NFE2L3: variants seen among roughly 807,000 people sequenced by gnomAD.
The protein encoded by NFE2L3 is NFE2 like bZIP transcription factor 3.
Under a neutral mutation model 23.5 loss-of-function variants are expected in NFE2L3, and 18 were observed. That is an observed-to-expected ratio of 0.77 (90% confidence interval 0.53 to 1.13). The LOEUF is 1.13. Among genes scored for constraint, NFE2L3 ranks in the 50% most tolerant of loss-of-function variants. The probability of loss-of-function intolerance (pLI) is 0.00; values close to 1 mark genes in which losing one functional copy is unlikely to be tolerated. For missense variants in NFE2L3, 1,152 were observed against 877.2 expected, an observed-to-expected ratio of 1.31 and a Z score of -3.96; for synonymous variants, 424 against 354.5, an observed-to-expected ratio of 1.20 and a Z score of -2.20.
At chr7:26,159,754 A>C (rs1784140050) in intron 1 of NFE2L3, among the ~76,000 whole-genome samples, 1 of 152,128 alleles carries the variant, frequency 6.6e-6, no homozygotes, top group Non-Finnish European at 1.5e-5. Context: ...ATAATTAATC[A>C]AGTGGTGAAA....
chr7:26,185,733 C>T lies in NFE2L3; in HGVS notation c.2035C>T (p.Leu679=). 1 of 1,602,108 alleles carries T rather than the reference C, an allele frequency of 6.2e-7. No homozygotes were observed. ...AAGTATCTTGATAGTACCCAAAGAACTGGTGGCCTCAGGCCACAAAAAGGA... is the reference window on the plus strand; with the variant it reads ...AAGTATCTTGATAGTACCCAAAGAATTGGTGGCCTCAGGCCACAAAAAGGA... ...DGSILIVPKE[L]VASGHKKETQ... is the part of the protein sequence containing the mutation. Residue 679 remains leucine, a synonymous_variant, in exon 4 of 4, where the codon CTG becomes TTG. Coordinates refer to ENST00000056233, the MANE Select transcript of NFE2L3 (RefSeq NM_004289.7).
chr7:26,157,246 C>T (rs1424483606), intron 1 of NFE2L3, among the ~76,000 whole-genome samples: 1 of 152,130 alleles, frequency 6.6e-6, no homozygotes, highest in African/African-American at 2.4e-5. Flanking sequence ...AGTACCATCA[C>T]AGCTCACTGC....
Position 26,183,735 on chromosome 7 carries a change from T to G in NFE2L3, c.785T>G (p.Leu262Arg). ...AATGGGACAGATACTTCTTTCTCTC[T>G]GGAAGACTTATTCCAGTTGCTTTCA... ...HLNGTDTSFS[L>R]EDLFQLLSSQ... Residue 262 changes from leucine to arginine, a missense_variant, in exon 3 of 4, where the codon CTG (leucine) becomes CGG (arginine). Coordinates refer to ENST00000056233, the MANE Select transcript of NFE2L3 (RefSeq NM_004289.7). The G allele has an allele frequency of 6.2e-7, 1 of 1,612,826 alleles. No individual in the cohort carries two copies. Among genetic ancestry groups the G allele is most frequent in the Non-Finnish European group, 8.5e-7 (1 of 1,178,730 alleles).
intron 1 of NFE2L3, among the ~76,000 whole-genome samples, chr7:26,165,349 T>G (rs1784231685): frequency 1.3e-5 from 2 of 151,934 alleles, no homozygotes; most frequent in South Asian, 4.2e-4. Context: ...TAGTTCTCCT[T>G]GAAGAGGTCC....
chr7:26,157,156 G>A (rs187767858), intron 1 of NFE2L3, among the ~76,000 whole-genome samples: 1 of 152,076 alleles, frequency 6.6e-6, no homozygotes, highest in African/African-American at 2.4e-5. Context: ...GTTTCTTCAG[G>A]GCACAGAGAG....
chr7:26,178,767 G>C (rs546297200), intron 2 of NFE2L3, among the ~76,000 whole-genome samples: 1 of 152,236 alleles, frequency 6.6e-6, no homozygotes, highest in East Asian at 1.9e-4. Context: ...TTTCTCTTCA[G>C]CCCTGCTGAG....
intron 1 of NFE2L3, among the ~76,000 whole-genome samples, chr7:26,161,903 G>T (rs1435012328): frequency 6.6e-6 from 1 of 152,092 alleles, no homozygotes; most frequent in Non-Finnish European, 1.5e-5. Context: ...AGCACTTTGG[G>T]AGGCCAAGAC....
Position 26,181,595 on chromosome 7 carries a change from C to A in NFE2L3, c.751-2106C>A, listed in dbSNP as rs562821054. ...CTGGAAAATGATATAAACACTGGTT[C>A]TTGAAAAGAAAAATGCAAAACTGCT... On this transcript the variant is annotated intron_variant, in intron 2 of 3. Transcript: ENST00000056233. Among the ~76,000 whole-genome samples the A allele has an allele frequency of 9.2e-5, 14 of 152,152 alleles. No individual in the cohort carries two copies. The South Asian group carries it at 2.9e-3, about 32-fold the overall frequency.
At chr7:26,179,714 A>C (rs1562676904) in intron 2 of NFE2L3, among the ~76,000 whole-genome samples, 1 of 152,108 alleles carries the variant, frequency 6.6e-6, no homozygotes, top group Non-Finnish European at 1.5e-5. Context: ...TCAAAAAAGA[A>C]AAATCCAAAA....
At chr7:26,176,140 T>G (rs1325854620) in intron 1 of NFE2L3, among the ~76,000 whole-genome samples, 4 of 152,104 alleles carry the variant, frequency 2.6e-5, no homozygotes, top group Non-Finnish European at 5.9e-5. Flanking sequence ...AACCCTGAGT[T>G]GACACAGCAC....
At chr7:26,171,887 G>C (rs2128098865) in intron 1 of NFE2L3, among the ~76,000 whole-genome samples, 1 of 152,282 alleles carries the variant, frequency 6.6e-6, no homozygotes, top group Admixed American at 6.5e-5. Context: ...ATGTGAAGGG[G>C]GCAGGGTCTG....
intron 1 of NFE2L3, among the ~76,000 whole-genome samples, chr7:26,161,634 A>G (rs1163930408): frequency 1.3e-5 from 2 of 151,988 alleles, no homozygotes; most frequent in African/African-American, 2.4e-5. Flanking sequence ...AAGCCCTTCT[A>G]TGAATTTAAG....
At chr7:26,183,882 A>G (rs929011504) in intron 3 of NFE2L3, 98 bp downstream of exon 3, 12 of 779,150 alleles carry the variant, frequency 1.5e-5, no homozygotes, top group Non-Finnish European at 2.2e-5. Context: ...ACAGCAGTTT[A>G]AAGTAATGCT....
intron 1 of NFE2L3, chr7:26,173,701 G>A (rs1198040408): frequency 2.0e-5 from 3 of 152,172 alleles, no homozygotes; most frequent in Non-Finnish European, 4.4e-5. Flanking sequence ...TCAGAAGTAA[G>A]ATCTCTATCA....
In NFE2L3 at chr7:26,185,037, A is replaced by G. The variant is rs938772012; in HGVS notation, c.1339A>G (p.Ile447Val). 2.5e-6 allele frequency: 4 copies of G among 1,613,796 alleles called. No individual in the cohort carries two copies. Among genetic ancestry groups the G allele is most frequent in the Non-Finnish European group, 2.5e-6 (3 of 1,179,828 alleles). The change falls in exon 4 of 4, where the codon ATA becomes GTA. Residue 447 changes from isoleucine (I) to valine (V), a missense_variant. Transcript: ENST00000056233. ...TCACTCTGTGTGTGATGAAGGTGCT[A>G]TAGGTTATTGCACTGACCATGAATC... ...SSHSVCDEGA[I>V]GYCTDHESSS... is the part of the protein sequence containing the mutation.
Position 26,185,028 on chromosome 7 carries a change from G to A in NFE2L3, c.1330G>A (p.Glu444Lys), listed in dbSNP as rs754295738. 2 of 1,613,776 alleles carry A rather than the reference G, an allele frequency of 1.2e-6. No individual in the cohort carries two copies. Among genetic ancestry groups the A allele is most frequent in the Admixed American group, 1.7e-5 (1 of 60,010 alleles). ...KSNSSHSVCDEGAIGYCTDHE... is the reference protein window; with the variant it reads ...KSNSSHSVCDKGAIGYCTDHE... The stretch of plus-strand genomic sequence containing the variant: ...TAATTCCTCTCACTCTGTGTGTGAT[G>A]AAGGTGCTATAGGTTATTGCACTGA... The change falls in exon 4 of 4, where the codon GAA becomes AAA. Residue 444 changes from glutamate (E) to lysine (K), a missense_variant. Coordinates refer to ENST00000056233, the MANE Select transcript of NFE2L3 (RefSeq NM_004289.7).
intron 2 of NFE2L3, among the ~76,000 whole-genome samples, chr7:26,180,945 A>T (rs1316090347): frequency 6.6e-6 from 1 of 151,254 alleles, no homozygotes; most frequent in Non-Finnish European, 1.5e-5. Context: ...CATTTACGTC[A>T]CATCTTCGTG....
rs144970961 is a variant in NFE2L3, at chr7:26,171,286, C to T, written c.571-6657C>T. On this transcript the variant is annotated intron_variant, in intron 1 of 3. Coordinates refer to ENST00000056233, the MANE Select transcript of NFE2L3 (RefSeq NM_004289.7). ...TTAGGCTGGGCGTGGTGGTTCATGC[C>T]TGTAATCCCAGTACTTTGGGAGGCT... Among the ~76,000 whole-genome samples the T allele has an allele frequency of 8.5e-4, 130 of 152,282 alleles. No individual in the cohort carries two copies. The East Asian group carries it at 0.017, about 20-fold the overall frequency.
rs1562680421 is a variant in NFE2L3, at chr7:26,184,929, CT to C, written c.1236del (p.Phe412LeufsTer12). The C allele has an allele frequency of 1.2e-6, 2 of 1,613,932 alleles. No homozygotes were observed. The highest frequency in any genetic ancestry group is 8.5e-7 in the Non-Finnish European group (1 of 1,179,848). ...DNFDPIDVSQ[L>X]FDEPDSDSGL... is the part of the protein sequence containing the mutation. ...CTTTGATCCAATCGATGTTTCTCAGCTTTTTGATGAACCAGATTCTGATTCT... is the reference window on the plus strand; with the variant it reads ...CTTTGATCCAATCGATGTTTCTCAGCTTTTGATGAACCAGATTCTGATTCT... On this transcript the variant is annotated frameshift_variant, in exon 4 of 4. Transcript: ENST00000056233. LOFTEE classifies it low-confidence loss of function (END_TRUNC).
Sources: allele counts gnomAD v4.1 joint callset (sites outside exome capture counted in the v4.1 genomes callset), GRCh38; gene constraint gnomAD v4.1.1; transcripts MANE v1.5; gene names NCBI Gene and HGNC (gene_info 2026-07-23, HGNC 2026-07-21).